ARHGAP10: variants seen among roughly 807,000 people sequenced by gnomAD.
The protein encoded by ARHGAP10 is Rho GTPase activating protein 10.
Under a neutral mutation model 108.6 loss-of-function variants are expected in ARHGAP10, and 87 were observed. The observed-to-expected ratio is 0.80, with a 90% confidence interval of 0.67 to 0.96. The LOEUF (loss-of-function observed/expected upper bound fraction) is 0.96. Ranked by LOEUF, ARHGAP10 falls within the 40% of genes least tolerant of loss-of-function variation. The pLI, the probability that ARHGAP10 is intolerant of heterozygous loss-of-function variation, is 0.00. For missense variants in ARHGAP10, 939 were observed against 954.5 expected (o/e 0.98, Z 0.21); for synonymous variants, 347 against 341.1 (o/e 1.02, Z -0.19).
At chr4:147,935,395 G>T (rs1390764447) in intron 13 of ARHGAP10, among the ~76,000 whole-genome samples, 1 of 152,220 alleles carries the variant, frequency 6.6e-6, no homozygotes, top group African/African-American at 2.4e-5. Context: ...TCTTTTTAGG[G>T]ATTCCGTAAT....
intron 21 of ARHGAP10, 140 bp downstream of exon 21, chr4:148,063,440 T>C: frequency 8.6e-7 from 1 of 1,160,382 alleles, no homozygotes; most frequent in Non-Finnish European, 1.2e-6. Flanking sequence ...GGACAGCACT[T>C]ACCACCTTGT....
intron 19 of ARHGAP10, among the ~76,000 whole-genome samples, chr4:148,046,491 A>T (rs1009514303): frequency 6.6e-6 from 1 of 152,224 alleles, no homozygotes; most frequent in South Asian, 2.1e-4. Context: ...GCAACTGAGA[A>T]TGACTTAAAG....
At chr4:147,990,762 G>C (rs1740241755) in intron 18 of ARHGAP10, among the ~76,000 whole-genome samples, 1 of 152,064 alleles carries the variant, frequency 6.6e-6, no homozygotes, top group Non-Finnish European at 1.5e-5. Context: ...CAGACGCCGA[G>C]GTCTACTTGA....
chr4:147,939,729 C>A (rs1438104877), intron 13 of ARHGAP10, 96 bp from the exon 14 acceptor site: 1 of 1,056,274 alleles, frequency 9.5e-7, no homozygotes, highest in Non-Finnish European at 1.5e-6. Flanking sequence ...AGGAATGCTG[C>A]TAATGTTAGT....
intron 10 of ARHGAP10, among the ~76,000 whole-genome samples, chr4:147,899,624 C>T (rs748307007): frequency 2.0e-5 from 3 of 151,794 alleles, no homozygotes; most frequent in Non-Finnish European, 4.4e-5. Context: ...TGCTCGTGTG[C>T]TCTATTAGAA....
chr4:147,742,185 G>T (rs1470192806), intron 1 of ARHGAP10, among the ~76,000 whole-genome samples: 1 of 151,934 alleles, frequency 6.6e-6, no homozygotes, highest in African/African-American at 2.4e-5. Flanking sequence ...TTTCTTTTCT[G>T]ACTGTAAAGT....
chr4:147,845,461 ATATT>A (rs1164528802), intron 3 of ARHGAP10, among the ~76,000 whole-genome samples: 1 of 152,190 alleles, frequency 6.6e-6, no homozygotes. Flanking sequence ...AAATAGATAA[ATATT>A]TAAAGTTTAT....
chr4:147,815,977 T>G (rs1255078283), intron 1 of ARHGAP10, among the ~76,000 whole-genome samples: 1 of 152,244 alleles, frequency 6.6e-6, no homozygotes, highest in Non-Finnish European at 1.5e-5. Context: ...TGTGGCAATT[T>G]GTTACTACAG....
chr4:147,867,463 A>G (rs1283256305), intron 7 of ARHGAP10, among the ~76,000 whole-genome samples: 4 of 152,172 alleles, frequency 2.6e-5, no homozygotes, highest in African/African-American at 9.7e-5. Flanking sequence ...CTCATTAGGA[A>G]TGTAGTGAGA....
chr4:147,884,216 A>G (rs989851130), intron 10 of ARHGAP10, among the ~76,000 whole-genome samples: 2 of 151,904 alleles, frequency 1.3e-5, no homozygotes, highest in Non-Finnish European at 2.9e-5. Flanking sequence ...ATCATGCCCA[A>G]TTTTCTTTTC....
rs1245615620 is a variant in ARHGAP10, at chr4:147,954,872, CAG to C, written c.1392-439_1392-438del. ...TTCTTATTTTTATAATATATTTAATCAGAGAGGATTTGAGTTTGTTTAATCTT... is the reference window on the plus strand; with the variant it reads ...TTCTTATTTTTATAATATATTTAATCAGAGGATTTGAGTTTGTTTAATCTT... On this transcript the variant is annotated intron_variant, in intron 15 of 22. Coordinates refer to ENST00000336498, the MANE Select transcript of ARHGAP10 (RefSeq NM_024605.4). Among the ~76,000 whole-genome samples the C allele has an allele frequency of 1.9e-4, 29 of 152,048 alleles. No homozygotes were observed. In the South Asian group the frequency reaches 5.4e-3, roughly 28 times the overall value.
intron 3 of ARHGAP10, among the ~76,000 whole-genome samples, chr4:147,836,349 T>G (rs1425129593): frequency 6.6e-6 from 1 of 152,188 alleles, no homozygotes; most frequent in East Asian, 1.9e-4. Flanking sequence ...AGGACTAGGT[T>G]TCAAGTTTTT....
chr4:147,748,614 G>T (rs1251516273), intron 1 of ARHGAP10, among the ~76,000 whole-genome samples: 1 of 152,222 alleles, frequency 6.6e-6, no homozygotes. Context: ...ATGGTGGCTT[G>T]ATGGTTTCAC....
intron 8 of ARHGAP10, among the ~76,000 whole-genome samples, chr4:147,878,032 G>C (rs943766409): frequency 2.6e-5 from 4 of 151,874 alleles, no homozygotes; most frequent in Non-Finnish European, 5.9e-5. Context: ...CGCCTCCTGG[G>C]TTCAAGCCAT....
chr4:148,062,973 G>A (rs1423888599), intron 20 of ARHGAP10, among the ~76,000 whole-genome samples, 175 bp from the exon 21 acceptor site: 3 of 152,170 alleles, frequency 2.0e-5, no homozygotes, highest in Non-Finnish European at 4.4e-5. Context: ...TTTCTGGGTT[G>A]TTGGTATCCG....
chr4:147,906,141 T>C (rs1297126306), intron 10 of ARHGAP10, among the ~76,000 whole-genome samples: 1 of 152,208 alleles, frequency 6.6e-6, no homozygotes, highest in Non-Finnish European at 1.5e-5. Flanking sequence ...CATTTGTATA[T>C]TCATATGTAT....
intron 10 of ARHGAP10, among the ~76,000 whole-genome samples, chr4:147,885,431 A>G (rs898059106): frequency 8.5e-5 from 13 of 152,214 alleles, no homozygotes; most frequent in African/African-American, 2.9e-4. Context: ...TGAGAATAGC[A>G]TGGGAAAAAC....
At chr4:148,021,639 T>C (rs1741571924) in intron 18 of ARHGAP10, among the ~76,000 whole-genome samples, 1 of 152,188 alleles carries the variant, frequency 6.6e-6, no homozygotes, top group African/African-American at 2.4e-5. Flanking sequence ...ATCGGACTTC[T>C]CAATTTAACT....
intron 1 of ARHGAP10, among the ~76,000 whole-genome samples, chr4:147,743,269 G>A (rs76521020): frequency 1.3e-5 from 2 of 151,916 alleles, no homozygotes; most frequent in African/African-American, 2.4e-5. Flanking sequence ...GCTTGACCTC[G>A]TGATCCACCC....
Sources: allele counts gnomAD v4.1 joint callset (sites outside exome capture counted in the v4.1 genomes callset), GRCh38; gene constraint gnomAD v4.1.1; transcripts MANE v1.5; gene names NCBI Gene and HGNC (gene_info 2026-07-23, HGNC 2026-07-21).